The following LRP1B variants were observed in gnomAD, a reference collection of about 807,000 sequenced individuals.
LRP1B encodes the protein LDL receptor related protein 1B, also known as low-density lipoprotein receptor-related protein 1B.
In LRP1B, 217 loss-of-function variants were observed where a neutral mutation model predicts 556.6. The ratio of observed to expected loss-of-function variants is 0.39; its 90% CI spans 0.35 to 0.44. The LOEUF (loss-of-function observed/expected upper bound fraction) is 0.44, where lower values mean the gene tolerates loss of function less well. Among genes scored for constraint, LRP1B ranks in the 20% least tolerant of loss-of-function variants. The pLI is 1.00. For missense variants in LRP1B, 5,053 were observed against 5,620.8 expected (o/e 0.90, Z 3.23); for synonymous variants, 2,047 against 1,865.8 (o/e 1.10, Z -2.50).
chr2:140,526,559 T>G (rs1213218722), intron 47 of LRP1B, among the ~76,000 whole-genome samples: 1 of 151,780 alleles, frequency 6.6e-6, no homozygotes, highest in Non-Finnish European at 1.5e-5. Context: ...CTTCTCTCTG[T>G]TGTGGTATTT....
chr2:140,866,698 A>G (rs2105151157), intron 27 of LRP1B, among the ~76,000 whole-genome samples: 1 of 152,230 alleles, frequency 6.6e-6, no homozygotes, highest in South Asian at 2.1e-4. Flanking sequence ...GTATCAAGGG[A>G]GAATGAACGC....
intron 43 of LRP1B, among the ~76,000 whole-genome samples, chr2:140,558,872 G>T (rs1197351647): frequency 6.6e-6 from 1 of 151,380 alleles, no homozygotes; most frequent in Non-Finnish European, 1.5e-5. Flanking sequence ...GGAGGTAGAG[G>T]CTGCAGTGAG....
At chr2:141,675,689 ATATATATG>A (rs1174512233) in intron 2 of LRP1B, among the ~76,000 whole-genome samples, 14 of 10,870 alleles carry the variant, frequency 1.3e-3, no homozygotes, top group East Asian at 9.8e-3. Flanking sequence ...GTATATATAT[ATATATATG>A]TATATGCACT....
chr2:141,493,024 C>T (rs748798052), intron 2 of LRP1B, among the ~76,000 whole-genome samples: 4 of 152,080 alleles, frequency 2.6e-5, no homozygotes, highest in Non-Finnish European at 4.4e-5. Flanking sequence ...TGAGTACTTC[C>T]TATGTTCCAG....
intron 3 of LRP1B, among the ~76,000 whole-genome samples, chr2:141,435,148 G>T (rs7607895): frequency 0.48 from 72,893 of 151,932 alleles, 17,723 homozygotes; most frequent in East Asian, 0.69. Flanking sequence ...TTTAAGCCTG[G>T]CTTGCCAGGA....
rs376587472 is a variant in LRP1B at position 142,130,664 on chromosome 2, G to A, written c.66C>T (p.Thr22=). The change falls in exon 1 of 91, where the codon ACC becomes ACT. Residue 22 remains threonine (T), a synonymous_variant. Coordinates refer to ENST00000389484, the MANE Select transcript of LRP1B (RefSeq NM_018557.3). ...TCTCCTTACCTCGGTCGGCTCCCAC[G>A]GTCAGCACCCTGGCAATCGGCAATA... is the stretch of plus-strand genomic sequence containing the variant. The part of the protein sequence containing the change: ...SGLLPIARVL[T]VGADRDQQLC... 2 of 1,613,194 alleles carry A rather than the reference G, an allele frequency of 1.2e-6. No homozygotes were observed. The highest frequency in any genetic ancestry group is 2.2e-5 in the East Asian group (1 of 44,812).
intron 55 of LRP1B, 69 bp downstream of exon 55, chr2:140,501,618 G>A (rs981489290): frequency 5.9e-6 from 7 of 1,182,592 alleles, no homozygotes; most frequent in Non-Finnish European, 8.1e-6. Flanking sequence ...ATCTATATTG[G>A]ATTAAATAGC....
chr2:141,559,500 A>G (rs143513883), intron 2 of LRP1B, among the ~76,000 whole-genome samples: 234 of 151,868 alleles, frequency 1.5e-3, no homozygotes, highest in African/African-American at 5.4e-3. Flanking sequence ...AAATGATATC[A>G]TTCATCCAAT....
At chr2:140,545,864 T>A (rs916253393) in intron 43 of LRP1B, among the ~76,000 whole-genome samples, 2 of 152,150 alleles carry the variant, frequency 1.3e-5, no homozygotes, top group Non-Finnish European at 2.9e-5. Flanking sequence ...TGGCCATTTT[T>A]AAAATATTGA....
At position 141,320,672 on chromosome 2, in the gene LRP1B, C is replaced by G. The variant is rs369628744; in HGVS notation, c.344-66031G>C. 2.6e-5 allele frequency among the ~76,000 whole-genome samples: 4 copies of G among 152,164 alleles called. No homozygotes were observed. The East Asian group carries it at 5.8e-4, about 22-fold the overall frequency. ...AGATATTTTACGAGAATAGGTGTCACCAAGTAATGGGTTACTTAGTACTTT... is the reference window on the plus strand; with the variant it reads ...AGATATTTTACGAGAATAGGTGTCAGCAAGTAATGGGTTACTTAGTACTTT... On this transcript the variant is annotated intron_variant, in intron 3 of 90. Transcript: ENST00000389484.
chr2:140,398,294 A>G (rs1481087723), intron 66 of LRP1B, among the ~76,000 whole-genome samples: 18 of 152,148 alleles, frequency 1.2e-4, no homozygotes, highest in Admixed American at 1.2e-3. Flanking sequence ...ACCCAAGGAA[A>G]GGGGAGATAC....
At chr2:141,771,027 T>C (rs2105615358) in intron 2 of LRP1B, among the ~76,000 whole-genome samples, 1 of 152,326 alleles carries the variant, frequency 6.6e-6, no homozygotes. Context: ...TGTTTTATTA[T>C]CCTAATATAC....
At chr2:140,395,360 C>T (rs1684203201) in intron 66 of LRP1B, among the ~76,000 whole-genome samples, 1 of 152,186 alleles carries the variant, frequency 6.6e-6, no homozygotes, top group Non-Finnish European at 1.5e-5. Context: ...ACTATTATAG[C>T]ATTTAGTGAT....
Position 140,302,588 on chromosome 2 carries a change from G to A in LRP1B, c.12806-4619C>T, listed in dbSNP as rs554868153. Among the ~76,000 whole-genome samples, 17 of 152,278 alleles carry A rather than the reference G, an allele frequency of 1.1e-4. No individual in the cohort carries two copies. The South Asian group carries it at 3.3e-3, about 30-fold the overall frequency. On this transcript the variant is annotated intron_variant, in intron 83 of 90. Coordinates refer to ENST00000389484, the MANE Select transcript of LRP1B (RefSeq NM_018557.3). ...TATTACTTCTGAGTGTGTCTGTAGA[G>A]GTGGTTGTGGAGGAGATTGGCATTG...
At chr2:140,779,558 G>A (rs931101939) in intron 32 of LRP1B, among the ~76,000 whole-genome samples, 2 of 152,076 alleles carry the variant, frequency 1.3e-5, no homozygotes, top group East Asian at 1.9e-4. Flanking sequence ...AGCCAGGCAT[G>A]GTGATGTGCG....
At chr2:141,308,805 C>T (rs909444006) in intron 3 of LRP1B, among the ~76,000 whole-genome samples, 21 of 152,066 alleles carry the variant, frequency 1.4e-4, no homozygotes, top group African/African-American at 5.1e-4. Context: ...CCATATATTT[C>T]CTTCACTTAG....
chr2:141,771,384 A>G (rs540060836), intron 2 of LRP1B, among the ~76,000 whole-genome samples: 2 of 152,194 alleles, frequency 1.3e-5, no homozygotes, highest in African/African-American at 2.4e-5. Context: ...TTTTACATGT[A>G]TTAAATCCAC....
At chr2:140,886,870 A>G (rs1693653475) in intron 23 of LRP1B, among the ~76,000 whole-genome samples, 1 of 152,204 alleles carries the variant, frequency 6.6e-6, no homozygotes, top group Non-Finnish European at 1.5e-5. Flanking sequence ...CAAAAAAATC[A>G]TAACTATATC....
intron 1 of LRP1B, among the ~76,000 whole-genome samples, chr2:141,898,392 A>T (rs1699518713): frequency 6.6e-6 from 1 of 152,232 alleles, no homozygotes. Context: ...TGGTCTTTAG[A>T]TTGGCTTAAA....
Sources: gnomAD v4.1 joint callset for allele counts (sites outside exome capture counted in the v4.1 genomes callset) on GRCh38, gnomAD v4.1.1 for gene constraint, MANE v1.5 for transcripts, NCBI Gene and HGNC (gene_info 2026-07-23, HGNC 2026-07-21) for gene names.